The following ETV6 variants were observed in gnomAD, a reference collection of about 807,000 sequenced individuals.
ETV6 encodes the protein transcription factor ETV6.
In ETV6, 16 loss-of-function variants were observed where a neutral mutation model predicts 51.1. The observed-to-expected ratio is 0.31, with a 90% confidence interval of 0.21 to 0.48. ETV6 has a LOEUF of 0.48. ETV6 is among the 20% of genes least tolerant of loss of function. The probability of loss-of-function intolerance (pLI) is 0.99; values close to 1 mark genes in which losing one functional copy is unlikely to be tolerated. For synonymous variants in ETV6, 240 were observed against 224.1 expected (o/e 1.07, Z -0.64); for missense variants, 458 against 594.8 (o/e 0.77, Z 2.39).
intron 4 of ETV6, among the ~76,000 whole-genome samples, chr12:11,867,012 A>C (rs190793727): frequency 6.6e-6 from 1 of 152,372 alleles, no homozygotes; most frequent in African/African-American, 2.4e-5. Flanking sequence ...AACATGCAGC[A>C]TAGGGCAGTT....
At chr12:11,823,329 C>T (rs1334206391) in intron 2 of ETV6, among the ~76,000 whole-genome samples, 1 of 152,134 alleles carries the variant, frequency 6.6e-6, no homozygotes, top group Non-Finnish European at 1.5e-5. Context: ...GGCTGAGTCA[C>T]TCATACTTTT....
At chr12:11,795,135 T>C (rs1360823385) in intron 2 of ETV6, among the ~76,000 whole-genome samples, 1 of 152,274 alleles carries the variant, frequency 6.6e-6, no homozygotes, top group Non-Finnish European at 1.5e-5. Context: ...GCTGGATCTG[T>C]GCCTTACTTT....
chr12:11,687,012 A>G (rs1486836314), intron 1 of ETV6, among the ~76,000 whole-genome samples: 1 of 151,936 alleles, frequency 6.6e-6, no homozygotes, highest in Non-Finnish European at 1.5e-5. Flanking sequence ...CTGCCTCCTG[A>G]GTATCTGGGA....
chr12:11,737,044 T>C (rs1476752679), intron 1 of ETV6, among the ~76,000 whole-genome samples: 1 of 152,150 alleles, frequency 6.6e-6, no homozygotes, highest in African/African-American at 2.4e-5. Context: ...TGGGAGGGCC[T>C]GGGGCTCCTG....
chr12:11,828,735 G>C (rs998586107), intron 2 of ETV6, among the ~76,000 whole-genome samples: 3 of 152,114 alleles, frequency 2.0e-5, no homozygotes, highest in African/African-American at 7.2e-5. Flanking sequence ...TCCTAACGCT[G>C]AGAAGTACTT....
intron 2 of ETV6, among the ~76,000 whole-genome samples, chr12:11,760,928 G>C (rs1565515717): frequency 9.3e-6 from 1 of 107,546 alleles, no homozygotes; most frequent in African/African-American, 2.6e-5. Context: ...GTATATGTGT[G>C]TGTGTGTATA....
chr12:11,858,903 A>G (rs1946670744), intron 4 of ETV6, among the ~76,000 whole-genome samples: 1 of 152,134 alleles, frequency 6.6e-6, no homozygotes, highest in South Asian at 2.1e-4. Flanking sequence ...GAATGGCTCA[A>G]TAATTGAGAG....
Position 11,839,886 on chromosome 12 carries a change from A to C in ETV6, c.328+582A>C, listed in dbSNP as rs76458685. ...CAGAGCGAGAACCTGTCTCAGAAAAAGAAAAAAATGCCATTTTGGCCTTTT... is the reference window on the plus strand; with the variant it reads ...CAGAGCGAGAACCTGTCTCAGAAAACGAAAAAAATGCCATTTTGGCCTTTT... On this transcript the variant is annotated intron_variant, in intron 3 of 7. Transcript: ENST00000396373. 1.6e-3 allele frequency among the ~76,000 whole-genome samples: 245 copies of C among 152,344 alleles called. 2 individuals are homozygous for C. Among genetic ancestry groups the C allele is most frequent in the African/African-American group, 5.5e-3 (230 of 41,580 alleles).
At chr12:11,823,875 A>C (rs1386633691) in intron 2 of ETV6, among the ~76,000 whole-genome samples, 1 of 152,176 alleles carries the variant, frequency 6.6e-6, no homozygotes, top group Non-Finnish European at 1.5e-5. Context: ...TGAGGCTCTC[A>C]GCCATTTGAT....
At chr12:11,792,368 C>T (rs1472625085) in intron 2 of ETV6, among the ~76,000 whole-genome samples, 1 of 152,172 alleles carries the variant, frequency 6.6e-6, no homozygotes, top group African/African-American at 2.4e-5. Flanking sequence ...ATAGGACCCA[C>T]ACAACTCTGA....
rs374449699 is a variant in ETV6 at position 11,649,989 on chromosome 12, G to A, written c.-139G>A. On this transcript the variant is annotated 5_prime_UTR_variant, in exon 1 of 8. Coordinates refer to ENST00000396373, the MANE Select transcript of ETV6 (RefSeq NM_001987.5). Reference sequence around the variant, plus strand: ...CCCGCCCCGCGCGCTCCAGACCCCCGGGGCGGCTGCCGGGAGAGATGCTGG... The same window carrying A: ...CCCGCCCCGCGCGCTCCAGACCCCCAGGGCGGCTGCCGGGAGAGATGCTGG... 3.2e-4 allele frequency: 258 copies of A among 799,042 alleles called. 1 individual carries two copies. In the East Asian group the frequency reaches 4.7e-3, roughly 14 times the overall value. 49.5% of individuals were successfully genotyped at this position (799,042 alleles called of 1,614,324 possible).
intron 2 of ETV6, chr12:11,752,882 CTG>C (rs1163557157): frequency 1.2e-5 from 3 of 250,020 alleles, no homozygotes; most frequent in Admixed American, 1.1e-4. Flanking sequence ...AAGATGATTT[CTG>C]TGTGTGTGCA....
chr12:11,873,917 G>A (rs1946922268), intron 5 of ETV6, among the ~76,000 whole-genome samples: 1 of 112,236 alleles, frequency 8.9e-6, no homozygotes. Context: ...GCTGGGCTTG[G>A]ATGAATGCTT....
At chr12:11,655,813 T>C (rs1591588210) in intron 1 of ETV6, among the ~76,000 whole-genome samples, 2 of 152,226 alleles carry the variant, frequency 1.3e-5, no homozygotes, top group South Asian at 4.1e-4. Context: ...TTGCCCCGTG[T>C]TAAGTGTGGA....
intron 5 of ETV6, among the ~76,000 whole-genome samples, chr12:11,872,804 T>A (rs1946902872): frequency 6.6e-6 from 1 of 152,152 alleles, no homozygotes; most frequent in African/African-American, 2.4e-5. Flanking sequence ...CCTATACTAC[T>A]ATTTTTTTCA....
At chr12:11,793,436 G>A (rs954512596) in intron 2 of ETV6, among the ~76,000 whole-genome samples, 2 of 152,208 alleles carry the variant, frequency 1.3e-5, no homozygotes. Context: ...CAAGGTTATA[G>A]AAGATGTTTT....
At chr12:11,693,208 C>T (rs916346831) in intron 1 of ETV6, among the ~76,000 whole-genome samples, 6 of 152,002 alleles carry the variant, frequency 3.9e-5, no homozygotes, top group Admixed American at 2.6e-4. Context: ...ATGGGGCGGA[C>T]GATTTCAGAG....
intron 1 of ETV6, among the ~76,000 whole-genome samples, chr12:11,751,222 C>G (rs915810505): frequency 2.0e-5 from 3 of 152,120 alleles, no homozygotes; most frequent in East Asian, 1.9e-4. Context: ...GGTTATAGGC[C>G]GAGGACTCCG....
intron 1 of ETV6, among the ~76,000 whole-genome samples, chr12:11,672,731 G>A (rs1262100245): frequency 1.3e-5 from 2 of 152,150 alleles, no homozygotes; most frequent in African/African-American, 4.8e-5. Context: ...TTAACAGCAG[G>A]GCCACTGCTC....
Sources: allele counts gnomAD v4.1 joint callset (sites outside exome capture counted in the v4.1 genomes callset), GRCh38; gene constraint gnomAD v4.1.1; transcripts MANE v1.5; gene names NCBI Gene and HGNC (gene_info 2026-07-23, HGNC 2026-07-21).